Variants in SLC8A1 observed in about 807,000 individuals in gnomAD.
SLC8A1 encodes the protein sodium/calcium exchanger 1.
Under a neutral mutation model 68.3 loss-of-function variants are expected in SLC8A1, and 18 were observed. That is an observed-to-expected ratio of 0.26 (90% CI 0.18 to 0.39). SLC8A1 has a LOEUF of 0.39. SLC8A1 is among the 10% of genes least tolerant of loss of function. The pLI, the probability that SLC8A1 is intolerant of heterozygous loss-of-function variation, is 1.00. For synonymous variants in SLC8A1, 475 were observed against 415.5 expected (o/e 1.14, Z -1.74); for missense variants, 985 against 1,156.7 (o/e 0.85, Z 2.15).
In SLC8A1 at chr2:40,476,141, C is replaced by A. The variant is rs145747235; in HGVS notation, c.-25+36208G>T. 2.8e-3 allele frequency among the ~76,000 whole-genome samples: 433 copies of A among 152,238 alleles called. 5 individuals are homozygous for A. The highest frequency in any genetic ancestry group is 0.01 in the African/African-American group (416 of 41,524). The stretch of plus-strand genomic sequence containing the variant: ...GATTTTTCTATGCAAGTGTAAAAGT[C>A]TATTACAGAACTGTGACTCTTTTCT... On this transcript the variant is annotated intron_variant, in intron 1 of 7. Coordinates refer to the SLC8A1 transcript ENST00000402441.
intron 2 of SLC8A1, among the ~76,000 whole-genome samples, chr2:40,354,281 T>C (rs76188206): frequency 0.025 from 3,859 of 152,306 alleles, 66 homozygotes; most frequent in Non-Finnish European, 0.038. Context: ...TGCATTATTA[T>C]AACTGAGGTG....
chr2:40,287,036 T>G (rs1361111670), intron 2 of SLC8A1, among the ~76,000 whole-genome samples: 1 of 151,982 alleles, frequency 6.6e-6, no homozygotes, highest in African/African-American at 2.4e-5. Context: ...TTCACAGGAG[T>G]AACAGGTCAC....
chr2:40,177,266 A>T (rs1423775200), intron 3 of SLC8A1, among the ~76,000 whole-genome samples: 1 of 152,194 alleles, frequency 6.6e-6, no homozygotes, highest in African/African-American at 2.4e-5. Context: ...TTCTCCAAAG[A>T]AGCCTAATTA....
In SLC8A1 at chr2:40,361,703, C is replaced by T. The variant is rs542418160; in HGVS notation, c.1808+66770G>A. On this transcript the variant is annotated intron_variant, in intron 2 of 7. Transcript: ENST00000406785. ...GTCATCTGCAGTCACTGGGAACACA[C>T]GGAGGTAGACCAAATGCCCTATATG... Among the ~76,000 whole-genome samples, 13 of 151,928 alleles carry T rather than the reference C, an allele frequency of 8.6e-5. No individual in the cohort carries two copies. The South Asian group carries it at 1.0e-3, about 12-fold the overall frequency.
intron 2 of SLC8A1, among the ~76,000 whole-genome samples, chr2:40,248,127 T>A (rs2149006744): frequency 6.6e-6 from 1 of 152,318 alleles, no homozygotes; most frequent in South Asian, 2.1e-4. Flanking sequence ...AGTACCAATT[T>A]CTACACTTTT....
At chr2:40,355,887 A>T (rs146366334) in intron 2 of SLC8A1, among the ~76,000 whole-genome samples, 167 of 152,308 alleles carry the variant, frequency 1.1e-3, no homozygotes, top group African/African-American at 3.8e-3. Context: ...GGTGTTCTAC[A>T]AACCCCATTA....
chr2:40,405,487 G>A (rs1410482459), intron 2 of SLC8A1, among the ~76,000 whole-genome samples: 2 of 152,138 alleles, frequency 1.3e-5, no homozygotes, highest in East Asian at 1.9e-4. Context: ...ACAGTTGTCC[G>A]CTTTTCCAGC....
intron 1 of SLC8A1, among the ~76,000 whole-genome samples, chr2:40,493,655 T>A (rs1705483509): frequency 7.5e-6 from 1 of 133,160 alleles, no homozygotes; most frequent in African/African-American, 2.7e-5. Context: ...TCAGTATTTT[T>A]TTTTTTTTTT....
chr2:40,215,884 A>G (rs2057394419), intron 2 of SLC8A1, among the ~76,000 whole-genome samples: 1 of 151,870 alleles, frequency 6.6e-6, no homozygotes, highest in Admixed American at 6.6e-5. Flanking sequence ...CAGCTCCAAA[A>G]CCAGTGGAGA....
intron 2 of SLC8A1, among the ~76,000 whole-genome samples, chr2:40,379,317 C>T (rs1559453354): frequency 1.3e-5 from 2 of 152,096 alleles, no homozygotes; most frequent in African/African-American, 4.8e-5. Context: ...CTATACCTCG[C>T]TAGTTTCTGT....
chr2:40,288,592 G>A (rs1313804943), intron 2 of SLC8A1, among the ~76,000 whole-genome samples: 2 of 152,008 alleles, frequency 1.3e-5, no homozygotes, highest in Non-Finnish European at 2.9e-5. Context: ...CATCCTGGGA[G>A]TCAGTTATGT....
At chr2:40,411,695 A>G (rs1692209298) in intron 2 of SLC8A1, among the ~76,000 whole-genome samples, 1 of 152,078 alleles carries the variant, frequency 6.6e-6, no homozygotes, top group African/African-American at 2.4e-5. Context: ...TTAAGACTTT[A>G]AAGAATTTTA....
intron 2 of SLC8A1, among the ~76,000 whole-genome samples, chr2:40,378,269 T>C (rs938985980): frequency 6.6e-6 from 1 of 152,128 alleles, no homozygotes; most frequent in African/African-American, 2.4e-5. Flanking sequence ...GGAAGATCTC[T>C]TGCAGAAAAG....
chr2:40,450,878 G>A (rs1702332997), intron 1 of SLC8A1, among the ~76,000 whole-genome samples: 1 of 151,814 alleles, frequency 6.6e-6, no homozygotes, highest in Non-Finnish European at 1.5e-5. Context: ...CATCACCCCT[G>A]TTCTCAACTC....
chr2:40,155,380 C>T (rs946881319), intron 6 of SLC8A1, among the ~76,000 whole-genome samples: 6 of 152,254 alleles, frequency 3.9e-5, no homozygotes, highest in South Asian at 2.1e-4. Flanking sequence ...CCACCTGCCT[C>T]GGCCTCCCAA....
intron 1 of SLC8A1, among the ~76,000 whole-genome samples, chr2:40,472,330 C>T (rs1704034776): frequency 6.6e-6 from 1 of 152,134 alleles, no homozygotes; most frequent in East Asian, 1.9e-4. Context: ...AACATTCCAT[C>T]TTCCTTACTC....
intron 2 of SLC8A1, among the ~76,000 whole-genome samples, chr2:40,344,419 C>G (rs1253972301): frequency 6.6e-6 from 1 of 152,146 alleles, no homozygotes; most frequent in Non-Finnish European, 1.5e-5. Context: ...AACCCACTCA[C>G]TGTCCGTATA....
intron 2 of SLC8A1, among the ~76,000 whole-genome samples, chr2:40,205,331 C>T (rs1445272114): frequency 6.6e-6 from 1 of 151,782 alleles, no homozygotes; most frequent in Admixed American, 6.6e-5. Context: ...GCCTATTGAC[C>T]CATTTTGAAG....
At chr2:40,285,484 A>G (rs928640811) in intron 2 of SLC8A1, among the ~76,000 whole-genome samples, 1 of 152,124 alleles carries the variant, frequency 6.6e-6, no homozygotes. Context: ...TAGTATAGCA[A>G]CAATTGGTCT....
Sources: gnomAD v4.1 joint callset for allele counts (sites outside exome capture counted in the v4.1 genomes callset) on GRCh38, gnomAD v4.1.1 for gene constraint, MANE v1.5 for transcripts, NCBI Gene and HGNC (gene_info 2026-07-23, HGNC 2026-07-21) for gene names.